PMS1: variants seen among roughly 807,000 people sequenced by gnomAD.
The protein encoded by PMS1 is PMS1 homolog 1, mismatch repair system component.
Under a neutral mutation model 93.1 loss-of-function variants are expected in PMS1, and 79 were observed. The observed-to-expected ratio is 0.85, with a 90% CI of 0.71 to 1.02. The LOEUF (loss-of-function observed/expected upper bound fraction) is 1.02, where lower values mean the gene tolerates loss of function less well. Ranked by LOEUF, PMS1 falls within the 50% of genes least tolerant of loss-of-function variation. The pLI is 0.00. For missense variants in PMS1, 1,064 were observed against 1,085.3 expected (o/e 0.98, Z 0.28); for synonymous variants, 335 against 363.4 (o/e 0.92, Z 0.89).
At chr2:189,804,165 G>C (rs933605340) in intron 3 of PMS1, among the ~76,000 whole-genome samples, 1 of 152,166 alleles carries the variant, frequency 6.6e-6, no homozygotes, top group Non-Finnish European at 1.5e-5. Flanking sequence ...CTGGAACTCA[G>C]AGTTCCAGGG....
At chr2:189,801,138 A>G (rs972360052) in intron 3 of PMS1, among the ~76,000 whole-genome samples, 1 of 152,244 alleles carries the variant, frequency 6.6e-6, no homozygotes, top group Non-Finnish European at 1.5e-5. Flanking sequence ...GCTGGCAGGC[A>G]GGAGCCACTG....
intron 2 of PMS1, among the ~76,000 whole-genome samples, chr2:189,793,863 G>T (rs1202098157): frequency 2.0e-5 from 3 of 152,130 alleles, no homozygotes; most frequent in Non-Finnish European, 2.9e-5. Flanking sequence ...TAGCTATCCT[G>T]ACTAGATATG....
At chr2:189,800,352 G>A (rs1427795045) in intron 3 of PMS1, among the ~76,000 whole-genome samples, 1 of 152,068 alleles carries the variant, frequency 6.6e-6, no homozygotes, top group East Asian at 1.9e-4. Context: ...ATATACCCAG[G>A]CCTGCAGTGC....
chr2:189,810,011 CTTCT>C (rs2106296460), intron 4 of PMS1, among the ~76,000 whole-genome samples: 1 of 152,248 alleles, frequency 6.6e-6, no homozygotes, highest in East Asian at 1.9e-4. Context: ...TTCTGTCTTC[CTTCT>C]GTCTAGAGCT....
At chr2:189,802,574 G>A (rs2049985873) in intron 3 of PMS1, among the ~76,000 whole-genome samples, 2 of 152,166 alleles carry the variant, frequency 1.3e-5, no homozygotes, top group African/African-American at 4.8e-5. Flanking sequence ...TTTGTGATGA[G>A]ATAATATAGG....
chr2:189,860,783 T>G (rs1394342230), intron 9 of PMS1, among the ~76,000 whole-genome samples: 3 of 146,202 alleles, frequency 2.1e-5, no homozygotes, highest in African/African-American at 7.4e-5. Context: ...TGCTAAAATC[T>G]TCTATATCTT....
At chr2:189,867,988 T>TA in intron 11 of PMS1, 59 bp downstream of exon 11, 1 of 1,385,488 alleles carries the variant, frequency 7.2e-7, no homozygotes, top group Admixed American at 1.7e-5. Context: ...TTCCAAGAGT[T>TA]ACATTTGGGT....
chr2:189,791,979 A>G, intron 2 of PMS1, 38 bp downstream of exon 2: 1 of 1,594,272 alleles, frequency 6.3e-7, no homozygotes, highest in Non-Finnish European at 8.6e-7. Context: ...TTTAAGACAA[A>G]GAAAAGGGTC....
intron 5 of PMS1, among the ~76,000 whole-genome samples, chr2:189,840,350 GAAC>G (rs1450147607): frequency 1.3e-5 from 2 of 152,202 alleles, no homozygotes; most frequent in African/African-American, 4.8e-5. Context: ...AACACAGTTT[GAAC>G]AACTGGCTGC....
At chr2:189,836,876 T>G (rs955505320) in intron 5 of PMS1, among the ~76,000 whole-genome samples, 3 of 152,332 alleles carry the variant, frequency 2.0e-5, no homozygotes, top group East Asian at 3.9e-4. Context: ...AAGTGATCTT[T>G]TTACGGTTGT....
intron 5 of PMS1, among the ~76,000 whole-genome samples, chr2:189,838,972 T>C (rs1361812348): frequency 6.6e-6 from 1 of 151,952 alleles, no homozygotes; most frequent in Admixed American, 6.6e-5. Context: ...AGTCTCTGAG[T>C]TGGAGGAATA....
At chr2:189,799,320 A>G (rs989068729) in intron 3 of PMS1, among the ~76,000 whole-genome samples, 1 of 151,714 alleles carries the variant, frequency 6.6e-6, no homozygotes, top group Non-Finnish European at 1.5e-5. Context: ...CCACATATAG[A>G]TGTGTGTGTG....
chr2:189,825,538 A>G (rs1447674174), intron 5 of PMS1, among the ~76,000 whole-genome samples: 1 of 152,232 alleles, frequency 6.6e-6, no homozygotes, highest in Admixed American at 6.5e-5. Context: ...AGTTCAGAAC[A>G]TAATGTGAAA....
Position 189,853,943 on chromosome 2 carries a change from T to A in PMS1, c.827T>A (p.Ile276Asn). 1 of 1,563,556 alleles carries A rather than the reference T, an allele frequency of 6.4e-7. No homozygotes were observed. ...ATTTATTACATGTATTTCTAGTTAATCCGACATCATTACAATCTGAAATGC... is the reference window on the plus strand; with the variant it reads ...ATTTATTACATGTATTTCTAGTTAAACCGACATCATTACAATCTGAAATGC... ...PVHQKDILKL[I>N]RHHYNLKCLK... The change falls in exon 8 of 13, where the codon ATC (isoleucine) becomes AAC (asparagine). Residue 276 changes from isoleucine (I) to asparagine (N), a missense_variant. Physicochemically the swap from Ile to Asn is moderately radical, Grantham distance 149. Coordinates refer to ENST00000441310, the MANE Select transcript of PMS1 (RefSeq NM_000534.5).
chr2:189,844,842 A>G (rs2054123484), intron 6 of PMS1, among the ~76,000 whole-genome samples: 1 of 151,176 alleles, frequency 6.6e-6, no homozygotes, highest in African/African-American at 2.4e-5. Context: ...AAGCTTAATT[A>G]TATATATAAT....
intron 4 of PMS1, among the ~76,000 whole-genome samples, chr2:189,811,877 T>C (rs1408971966): frequency 6.6e-6 from 1 of 152,096 alleles, no homozygotes; most frequent in African/African-American, 2.4e-5. Flanking sequence ...ACAGCTTTCA[T>C]GAAATATTAA....
intron 1 of PMS1, among the ~76,000 whole-genome samples, chr2:189,785,673 G>A (rs2048248185): frequency 6.6e-6 from 1 of 152,120 alleles, no homozygotes; most frequent in Non-Finnish European, 1.5e-5. Context: ...GACTGCAGGG[G>A]AAGGAATACC....
chr2:189,816,810 T>A (rs1330579282), intron 4 of PMS1, among the ~76,000 whole-genome samples: 1 of 152,186 alleles, frequency 6.6e-6, no homozygotes, highest in Non-Finnish European at 1.5e-5. Context: ...TGCAGCAACT[T>A]CAGCCTTTTT....
At chr2:189,830,398 C>A (rs187426330) in intron 5 of PMS1, among the ~76,000 whole-genome samples, 1 of 152,298 alleles carries the variant, frequency 6.6e-6, no homozygotes. Context: ...CCTCAAGTAA[C>A]TGGTTCAATC....
Sources: allele counts gnomAD v4.1 joint callset (sites outside exome capture counted in the v4.1 genomes callset), GRCh38; gene constraint gnomAD v4.1.1; transcripts MANE v1.5; gene names NCBI Gene and HGNC (gene_info 2026-07-23, HGNC 2026-07-21).